The following ATP9B variants were observed in gnomAD, a reference collection of about 807,000 sequenced individuals.
ATP9B encodes the protein ATPase phospholipid transporting 9B.
In ATP9B, 110 loss-of-function variants were observed where a neutral mutation model predicts 146.1. That is an observed-to-expected ratio of 0.75 (90% CI 0.65 to 0.88). ATP9B has a LOEUF of 0.88. Among genes scored for constraint, ATP9B ranks in the 40% least tolerant of loss-of-function variants. ATP9B has a pLI of 0.00. For missense variants in ATP9B, 1,499 were observed against 1,496.4 expected, an observed-to-expected ratio of 1.00 and a Z score of -0.03; for synonymous variants, 604 against 569.7, an observed-to-expected ratio of 1.06 and a Z score of -0.86.
Position 79,069,519 on chromosome 18 carries a change from C to T in ATP9B, c.109C>T (p.Arg37Trp), listed in dbSNP as rs1219708995. The T allele has an allele frequency of 1.4e-6, 2 of 1,420,234 alleles. No homozygotes were observed. The highest frequency in any genetic ancestry group is 1.8e-6 in the Non-Finnish European group (2 of 1,085,074). 88.0% of individuals were successfully genotyped at this position (1,420,234 alleles called of 1,614,324 possible). The change falls in exon 1 of 30, where the codon CGG (arginine) becomes TGG (tryptophan). Residue 37 changes from arginine (R) to tryptophan (W), a missense_variant. Coordinates refer to ENST00000426216, the MANE Select transcript of ATP9B (RefSeq NM_198531.5). ...CGCGGGGCCCAGGCCGGGAGCCGAC[C>T]GGCACAGCAGGTAACCGAGGCGGCA... is the stretch of plus-strand genomic sequence containing the variant. ...SAAGPRPGAD[R>W]HSRYQLEDES... is the part of the protein sequence containing the mutation.
At chr18:79,361,312 T>C (rs1600380901) in intron 26 of ATP9B, 1 of 152,214 alleles carries the variant, frequency 6.6e-6, no homozygotes, top group Non-Finnish European at 1.5e-5. Flanking sequence ...TAACAAGAGG[T>C]TCATAGGGCC....
chr18:79,134,621 A>G (rs1165303985), intron 5 of ATP9B, among the ~76,000 whole-genome samples: 3 of 152,202 alleles, frequency 2.0e-5, no homozygotes, highest in African/African-American at 7.2e-5. Context: ...TGTGCCAACA[A>G]ATGTCCTTCC....
At chr18:79,299,178 G>C (rs903118912) in intron 13 of ATP9B, among the ~76,000 whole-genome samples, 1 of 149,920 alleles carries the variant, frequency 6.7e-6, no homozygotes, top group Non-Finnish European at 1.5e-5. Context: ...CTGTTACCTG[G>C]ACAGGGCCCA....
At chr18:79,119,927 G>A (rs1414883449) in intron 4 of ATP9B, among the ~76,000 whole-genome samples, 2 of 152,102 alleles carry the variant, frequency 1.3e-5, no homozygotes, top group African/African-American at 2.4e-5. Context: ...TTTTAAAAAC[G>A]CTGAAAATCA....
chr18:79,290,580 G>A (rs1265914319), intron 13 of ATP9B, among the ~76,000 whole-genome samples: 1 of 152,218 alleles, frequency 6.6e-6, no homozygotes, highest in Non-Finnish European at 1.5e-5. Context: ...GTGAGGCAAT[G>A]CCTCGCCCTG....
In ATP9B at chr18:79,347,943, C is replaced by T. The variant is rs747594506; in HGVS notation, c.2838+18C>T. 1.2e-5 allele frequency: 20 copies of T among 1,608,128 alleles called. 1 individual carries two copies. The highest frequency in any genetic ancestry group is 1.5e-5 in the Non-Finnish European group (18 of 1,177,756). On this transcript the variant is annotated intron_variant, in intron 24 of 29. Coordinates refer to ENST00000426216, the MANE Select transcript of ATP9B (RefSeq NM_198531.5). Reference sequence around the variant, plus strand: ...CCATGCAGGTACTAAGCCTTCTGTGCTGGCACCCATGGAGGGCAGGGTCCA... The same window carrying T: ...CCATGCAGGTACTAAGCCTTCTGTGTTGGCACCCATGGAGGGCAGGGTCCA...
At chr18:79,274,961 G>C (rs1189257445) in intron 12 of ATP9B, among the ~76,000 whole-genome samples, 2 of 152,214 alleles carry the variant, frequency 1.3e-5, no homozygotes, top group African/African-American at 2.4e-5. Context: ...GCCCAGAAGA[G>C]CCATCCTGGT....
At chr18:79,165,452 T>A (rs1296899338) in intron 7 of ATP9B, among the ~76,000 whole-genome samples, 2 of 152,250 alleles carry the variant, frequency 1.3e-5, no homozygotes, top group Non-Finnish European at 2.9e-5. Context: ...TTTCCAGTTG[T>A]GAAAACCAAC....
chr18:79,094,106 G>A (rs1436564094), intron 1 of ATP9B, among the ~76,000 whole-genome samples: 1 of 152,220 alleles, frequency 6.6e-6, no homozygotes, highest in Admixed American at 6.5e-5. Context: ...CACCACCAGT[G>A]GGTGGTGGTT....
intron 15 of ATP9B, among the ~76,000 whole-genome samples, chr18:79,328,521 C>T (rs1308515853): frequency 6.6e-6 from 1 of 152,166 alleles, no homozygotes; most frequent in African/African-American, 2.4e-5. Context: ...TTCCACATGA[C>T]AGAAGAGGAG....
intron 11 of ATP9B, among the ~76,000 whole-genome samples, chr18:79,228,671 CAG>C (rs936540800): frequency 6.6e-6 from 1 of 152,100 alleles, no homozygotes; most frequent in African/African-American, 2.4e-5. Context: ...GTTCTGGTAT[CAG>C]AGATACTATT....
intron 11 of ATP9B, among the ~76,000 whole-genome samples, chr18:79,250,811 T>G (rs1022078571): frequency 6.6e-6 from 1 of 152,150 alleles, no homozygotes; most frequent in African/African-American, 2.4e-5. Context: ...CGACCATTTG[T>G]GATCTGGGGG....
chr18:79,116,830 C>A (rs1219427687), intron 4 of ATP9B, among the ~76,000 whole-genome samples: 3 of 100,054 alleles, frequency 3.0e-5, no homozygotes, highest in Admixed American at 1.1e-4. Context: ...CTAGATGACA[C>A]GTTAGTGGGT....
At chr18:79,171,492 T>C (rs2095069502) in intron 7 of ATP9B, among the ~76,000 whole-genome samples, 1 of 152,234 alleles carries the variant, frequency 6.6e-6, no homozygotes, top group African/African-American at 2.4e-5. Flanking sequence ...ATACATTTTA[T>C]ATTGACATAA....
At position 79,096,534 on chromosome 18, in the gene ATP9B, G is replaced by A. The variant is rs1476161997; in HGVS notation, c.178G>A (p.Glu60Lys). ...TGAAATGCCACTAATGATGTCTGAA[G>A]AAGGCTTTGAGAATGAGGAAAGTGA... ...LDEMPLMMSE[E>K]GFENEESDYH... Residue 60 changes from glutamate to lysine, a missense_variant, in exon 2 of 30, where the codon GAA becomes AAA. Coordinates refer to ENST00000426216, the MANE Select transcript of ATP9B (RefSeq NM_198531.5). 2 of 1,614,064 alleles carry A rather than the reference G, an allele frequency of 1.2e-6. No individual in the cohort carries two copies. Among genetic ancestry groups the A allele is most frequent in the African/African-American group, 1.3e-5 (1 of 75,044 alleles).
intron 4 of ATP9B, among the ~76,000 whole-genome samples, chr18:79,124,394 C>T (rs146764477): frequency 1.7e-4 from 26 of 152,316 alleles, no homozygotes; most frequent in African/African-American, 5.5e-4. Flanking sequence ...TGCTAAAGGA[C>T]CTAAGTGAGG....
chr18:79,191,014 G>A (rs940302552), intron 8 of ATP9B, among the ~76,000 whole-genome samples: 1 of 152,114 alleles, frequency 6.6e-6, no homozygotes, highest in African/African-American at 2.4e-5. Context: ...GTGGATGTCT[G>A]CTGGAATGGA....
chr18:79,100,288 T>A (rs577774188), intron 2 of ATP9B, among the ~76,000 whole-genome samples: 1 of 152,350 alleles, frequency 6.6e-6, no homozygotes, highest in South Asian at 2.1e-4. Context: ...TCATAGTTGT[T>A]GGTTGTCTAG....
intron 13 of ATP9B, among the ~76,000 whole-genome samples, chr18:79,295,617 T>C (rs1440038908): frequency 6.6e-6 from 1 of 152,282 alleles, no homozygotes; most frequent in East Asian, 1.9e-4. Context: ...TGCAGTGATA[T>C]TCCCTGTTGT....
Sources: allele counts gnomAD v4.1 joint callset (sites outside exome capture counted in the v4.1 genomes callset), GRCh38; gene constraint gnomAD v4.1.1; transcripts MANE v1.5; gene names NCBI Gene and HGNC (gene_info 2026-07-23, HGNC 2026-07-21).